Variants in CAB39 observed in about 807,000 individuals in gnomAD.
CAB39 encodes calcium-binding protein 39.
CAB39 carries 8 observed loss-of-function variants against 40.0 expected under a neutral mutation model. That is an observed-to-expected ratio of 0.20 (90% CI 0.12 to 0.36). The LOEUF (loss-of-function observed/expected upper bound fraction) is 0.36. Among genes scored for constraint, CAB39 ranks in the 10% least tolerant of loss-of-function variants. CAB39 has a pLI of 1.00. For synonymous variants in CAB39, 156 were observed against 141.6 expected, an observed-to-expected ratio of 1.10 and a Z score of -0.72; for missense variants, 270 against 401.1, an observed-to-expected ratio of 0.67 and a Z score of 2.79.
intron 1 of CAB39, among the ~76,000 whole-genome samples, chr2:230,744,915 AG>A (rs1263805198): frequency 1.3e-5 from 2 of 152,242 alleles, no homozygotes; most frequent in African/African-American, 4.8e-5. Flanking sequence ...CAGCTACTAA[AG>A]CAAAGCCCAC....
chr2:230,744,913 A>G (rs143559721), intron 1 of CAB39, among the ~76,000 whole-genome samples: 4 of 152,348 alleles, frequency 2.6e-5, no homozygotes, highest in Admixed American at 1.3e-4. Flanking sequence ...ATCAGCTACT[A>G]AAGCAAAGCC....
At chr2:230,787,240 C>T (rs1482662113) in intron 2 of CAB39, among the ~76,000 whole-genome samples, 2 of 152,098 alleles carry the variant, frequency 1.3e-5, no homozygotes, top group Non-Finnish European at 2.9e-5. Context: ...ACTGAGCAGC[C>T]CTGCTCCAAG....
chr2:230,724,254 A>T (rs1407490122), intron 1 of CAB39, among the ~76,000 whole-genome samples: 1 of 152,032 alleles, frequency 6.6e-6, no homozygotes, highest in Admixed American at 6.6e-5. Flanking sequence ...CAAAAAAAAA[A>T]AAAAAGAAGA....
At chr2:230,787,279 C>T (rs1274843379) in intron 2 of CAB39, among the ~76,000 whole-genome samples, 1 of 152,148 alleles carries the variant, frequency 6.6e-6, no homozygotes, top group Admixed American at 6.5e-5. Context: ...CTGAAAGGAG[C>T]ATGATGATTC....
chr2:230,812,169 C>T (rs1030411994), intron 6 of CAB39, among the ~76,000 whole-genome samples: 1 of 152,224 alleles, frequency 6.6e-6, no homozygotes, highest in African/African-American at 2.4e-5. Context: ...ATGCTGGCTG[C>T]TCAAAAGAAA....
intron 1 of CAB39, among the ~76,000 whole-genome samples, chr2:230,727,363 CG>C (rs1694600432): frequency 7.9e-6 from 1 of 126,948 alleles, no homozygotes; most frequent in Non-Finnish European, 1.6e-5. Context: ...GATTGTTAAC[CG>C]TGTGTGTGTG....
chr2:230,793,488 T>C (rs73995152), intron 4 of CAB39, among the ~76,000 whole-genome samples, 157 bp downstream of exon 4: 8,631 of 152,262 alleles, frequency 0.057, 839 homozygotes, highest in African/African-American at 0.2. Context: ...GAAATTCAAC[T>C]TGTGAGCTAA....
intron 7 of CAB39, among the ~76,000 whole-genome samples, chr2:230,815,968 T>C (rs1696393278): frequency 6.6e-6 from 1 of 152,228 alleles, no homozygotes. Context: ...CTCCCAAGTT[T>C]TTTAGTAAAG....
At chr2:230,745,806 T>C (rs1452704937) in intron 1 of CAB39, among the ~76,000 whole-genome samples, 2 of 152,182 alleles carry the variant, frequency 1.3e-5, no homozygotes, top group Non-Finnish European at 1.5e-5. Context: ...TTTGTACTTT[T>C]AGTAGAGACG....
intron 2 of CAB39, among the ~76,000 whole-genome samples, chr2:230,786,591 T>C (rs574433579): frequency 6.0e-4 from 92 of 152,322 alleles, no homozygotes; most frequent in African/African-American, 2.1e-3. Context: ...ATGGTCTGAA[T>C]TCAAATTTGA....
chr2:230,722,149 A>G (rs1694465391), intron 1 of CAB39, among the ~76,000 whole-genome samples: 1 of 152,034 alleles, frequency 6.6e-6, no homozygotes, highest in African/African-American at 2.4e-5. Context: ...ATTTCATGAA[A>G]CAGTACTTAG....
chr2:230,803,251 T>C (rs537975106), intron 5 of CAB39, among the ~76,000 whole-genome samples: 16 of 152,312 alleles, frequency 1.1e-4, no homozygotes, highest in Admixed American at 2.6e-4. Context: ...TGATGGAACG[T>C]ATCTCAAAAT....
intron 1 of CAB39, among the ~76,000 whole-genome samples, chr2:230,743,517 T>C (rs1186502123): frequency 1.3e-5 from 2 of 152,372 alleles, no homozygotes; most frequent in East Asian, 3.8e-4. Context: ...TGTGTGGAGT[T>C]ATTGATAAAA....
At chr2:230,747,507 GTA>G (rs1396776956) in intron 1 of CAB39, among the ~76,000 whole-genome samples, 3 of 152,218 alleles carry the variant, frequency 2.0e-5, no homozygotes, top group African/African-American at 7.2e-5. Flanking sequence ...GAACAGTTAA[GTA>G]AGAGAACTTT....
At chr2:230,752,857 A>G (rs1365853296) in intron 1 of CAB39, among the ~76,000 whole-genome samples, 6 of 152,220 alleles carry the variant, frequency 3.9e-5, no homozygotes, top group East Asian at 1.9e-4. Context: ...GGAGTGAACA[A>G]TGGATCCATT....
In CAB39 at chr2:230,759,052, T is replaced by C. The variant is rs533037539; in HGVS notation, c.-43-907T>C. Among the ~76,000 whole-genome samples, 14 of 152,340 alleles carry C rather than the reference T, an allele frequency of 9.2e-5. No homozygotes were observed. In the South Asian group the frequency reaches 2.3e-3, roughly 25 times the overall value. ...ATGTGGTTGAAATGTTGTTTTCTAC[T>C]ACCCACAAAAAATTAAGAACTTCTA... is the stretch of plus-strand genomic sequence containing the variant. On this transcript the variant is annotated intron_variant, in intron 1 of 8. Transcript: ENST00000258418.
intron 2 of CAB39, among the ~76,000 whole-genome samples, chr2:230,782,752 A>G (rs1488237406): frequency 6.7e-6 from 1 of 150,178 alleles, no homozygotes; most frequent in Non-Finnish European, 1.5e-5. Flanking sequence ...GATTTCCAAC[A>G]CCGCAAGTAT....
chr2:230,751,286 T>G (rs1302976377), intron 1 of CAB39, among the ~76,000 whole-genome samples: 1 of 152,210 alleles, frequency 6.6e-6, no homozygotes, highest in Non-Finnish European at 1.5e-5. Context: ...TCTAGGAATG[T>G]GTTGTCATTC....
At chr2:230,731,919 T>TA (rs1211594696) in intron 1 of CAB39, among the ~76,000 whole-genome samples, 2 of 152,204 alleles carry the variant, frequency 1.3e-5, no homozygotes, top group African/African-American at 4.8e-5. Context: ...TTCGTGTTGT[T>TA]AAAAATGTTC....
Sources: allele counts gnomAD v4.1 joint callset (sites outside exome capture counted in the v4.1 genomes callset), GRCh38; gene constraint gnomAD v4.1.1; transcripts MANE v1.5; gene names NCBI Gene and HGNC (gene_info 2026-07-23, HGNC 2026-07-21).